Variants in TTLL5 observed in about 807,000 individuals in gnomAD.
The protein encoded by TTLL5 is tubulin polyglutamylase TTLL5.
TTLL5 carries 132 observed loss-of-function variants against 168.4 expected under a neutral mutation model. The ratio of observed to expected loss-of-function variants is 0.78; its 90% confidence interval spans 0.68 to 0.91. TTLL5 has a LOEUF of 0.91. TTLL5 is among the 40% of genes least tolerant of loss of function. The pLI is 0.00. For synonymous variants in TTLL5, 546 were observed against 558.6 expected, an observed-to-expected ratio of 0.98 and a Z score of 0.32; for missense variants, 1,545 against 1,581.5, an observed-to-expected ratio of 0.98 and a Z score of 0.39.
At chr14:75,732,514 TG>T in intron 13 of TTLL5, 95 bp downstream of exon 13, 1 of 1,085,040 alleles carries the variant, frequency 9.2e-7, no homozygotes, top group Non-Finnish European at 1.4e-6. Flanking sequence ...ACTAGAAGAC[TG>T]TTTTTTTCCT....
intron 29 of TTLL5, among the ~76,000 whole-genome samples, chr14:75,877,324 A>G (rs1325277057): frequency 6.6e-6 from 1 of 152,218 alleles, no homozygotes; most frequent in Non-Finnish European, 1.5e-5. Flanking sequence ...AAACAGTATT[A>G]TCTTTCTAGT....
At chr14:75,914,017 G>GAAAAAAAA (rs1201862659) in intron 31 of TTLL5, among the ~76,000 whole-genome samples, 7,085 of 29,718 alleles carry the variant, frequency 0.24, 898 homozygotes, top group Non-Finnish European at 0.29. Context: ...TGTTTAAAAG[G>GAAAAAAAA]AAAAAAAAAA....
chr14:75,758,900 T>C (rs1566591061), intron 18 of TTLL5, among the ~76,000 whole-genome samples: 1 of 152,154 alleles, frequency 6.6e-6, no homozygotes, highest in Non-Finnish European at 1.5e-5. Context: ...TGGGGGAAAT[T>C]ATAAGTTTAA....
intron 28 of TTLL5, among the ~76,000 whole-genome samples, chr14:75,849,420 C>T (rs1186836507): frequency 6.6e-6 from 1 of 152,154 alleles, no homozygotes; most frequent in African/African-American, 2.4e-5. Context: ...GTTTCTGGTG[C>T]TTGTGATAGT....
At chr14:75,928,040 A>G (rs970491037) in intron 31 of TTLL5, among the ~76,000 whole-genome samples, 33 of 151,976 alleles carry the variant, frequency 2.2e-4, no homozygotes, top group Non-Finnish European at 2.9e-5. Flanking sequence ...AGATACCTCA[A>G]GTGACCCAGC....
chr14:75,688,874 G>A (rs989971285), intron 5 of TTLL5, among the ~76,000 whole-genome samples: 6 of 152,204 alleles, frequency 3.9e-5, no homozygotes, highest in Admixed American at 1.3e-4. Context: ...GTTTTCCTCA[G>A]AATAACCATT....
intron 30 of TTLL5, among the ~76,000 whole-genome samples, chr14:75,898,925 G>A (rs2032796794): frequency 6.6e-6 from 1 of 152,152 alleles, no homozygotes; most frequent in Non-Finnish European, 1.5e-5. Flanking sequence ...TAACTTCCAG[G>A]TTCAGAATGC....
chr14:75,884,987 G>A (rs927398638), intron 30 of TTLL5, among the ~76,000 whole-genome samples: 4 of 150,954 alleles, frequency 2.6e-5, no homozygotes, highest in Non-Finnish European at 1.5e-5. Flanking sequence ...TGGCCAACAT[G>A]GTGAAACCCT....
intron 31 of TTLL5, among the ~76,000 whole-genome samples, chr14:75,935,608 A>T (rs1376218412): frequency 6.6e-6 from 1 of 152,244 alleles, no homozygotes; most frequent in Non-Finnish European, 1.5e-5. Context: ...TCTATGGATT[A>T]CCTAAAGAGT....
intron 15 of TTLL5, among the ~76,000 whole-genome samples, chr14:75,737,781 TAA>T (rs1010556234): frequency 9.2e-5 from 14 of 152,206 alleles, no homozygotes; most frequent in Non-Finnish European, 2.1e-4. Context: ...TTATAGGATA[TAA>T]GAGTAGAGGA....
chr14:75,769,682 T>A (rs1891165222), intron 20 of TTLL5, among the ~76,000 whole-genome samples: 1 of 152,188 alleles, frequency 6.6e-6, no homozygotes. Flanking sequence ...TCTGCTACAT[T>A]TGAAGGTGTC....
intron 31 of TTLL5, among the ~76,000 whole-genome samples, chr14:75,953,665 G>A (rs10138941): frequency 0.011 from 1,661 of 152,154 alleles, 33 homozygotes; most frequent in African/African-American, 0.039. Context: ...GTATATTGTT[G>A]GGATTGAGGG....
At chr14:75,863,897 C>T in intron 29 of TTLL5, 35 bp downstream of exon 29, 2 of 290,634 alleles carry the variant, frequency 6.9e-6, no homozygotes, top group Non-Finnish European at 1.2e-5. Flanking sequence ...TGTGTTATAT[C>T]TTCCTGCTGT....
rs894469465 is a variant in TTLL5, at chr14:75,687,437, A to AT, written c.372-2747dup. On this transcript the variant is annotated intron_variant, in intron 5 of 31. Coordinates refer to ENST00000298832, the MANE Select transcript of TTLL5 (RefSeq NM_015072.5). ...TACAGGCATGCACTACGGCTGGCTG[A>AT]TTTTTTTTGTAGTTTTAGTAGAGAC... Among the ~76,000 whole-genome samples, 32 of 151,634 alleles carry AT rather than the reference A, an allele frequency of 2.1e-4. 2 individuals carry two copies. The highest frequency in any genetic ancestry group is 1.8e-3 in the Admixed American group (27 of 15,194).
intron 6 of TTLL5, among the ~76,000 whole-genome samples, chr14:75,696,677 G>GA (rs1240099128): frequency 6.6e-6 from 1 of 152,250 alleles, no homozygotes; most frequent in Admixed American, 6.5e-5. Context: ...AGTCATCAGT[G>GA]AAAAGACTCT....
intron 5 of TTLL5, among the ~76,000 whole-genome samples, chr14:75,688,908 CAT>C (rs1472876660): frequency 1.3e-5 from 2 of 152,174 alleles, no homozygotes; most frequent in Non-Finnish European, 2.9e-5. Flanking sequence ...TAAAGTTTAA[CAT>C]ATGTGGTGAT....
In TTLL5 at chr14:75,690,409, A is replaced by G. The variant is rs943264307; in HGVS notation, c.502+87A>G. 18 of 1,477,990 alleles carry G rather than the reference A, an allele frequency of 1.2e-5. No homozygotes were observed. The Admixed American group carries it at 3.9e-4, about 32-fold the overall frequency. 91.6% of individuals were successfully genotyped at this position (1,477,990 alleles called of 1,614,324 possible). A position where few individuals can be genotyped will look rare whatever the true frequency, so the allele number is the denominator to read the frequency against. ...AAAAGCCTCCTCAAGGTGTCAACCA[A>G]TCAGGGCTTTCCAAATCCTTAGACA... On this transcript the variant is annotated intron_variant, in intron 6 of 31. Transcript: ENST00000298832.
chr14:75,679,165 G>A (rs1157323695), intron 3 of TTLL5, among the ~76,000 whole-genome samples: 1 of 152,218 alleles, frequency 6.6e-6, no homozygotes, highest in Non-Finnish European at 1.5e-5. Flanking sequence ...TGGAATTAAA[G>A]TTGCTAATCA....
Position 75,766,223 on chromosome 14 carries a change from G to T in TTLL5, c.1870G>T (p.Ala624Ser). ...AGCCAAATATACACCCTCATTGACA[G>T]CTTTGGTAGAAAATACACCCAAAGA... ...NQAKYTPSLTALVENTPKENS... is the reference protein window; with the variant it reads ...NQAKYTPSLTSLVENTPKENS... Residue 624 changes from alanine to serine, a missense_variant, in exon 20 of 32, where the codon GCT becomes TCT. Coordinates refer to ENST00000298832, the MANE Select transcript of TTLL5 (RefSeq NM_015072.5). The T allele has an allele frequency of 6.2e-7, 1 of 1,614,000 alleles. No individual in the cohort carries two copies.
Sources: gnomAD v4.1 joint callset for allele counts (sites outside exome capture counted in the v4.1 genomes callset) on GRCh38, gnomAD v4.1.1 for gene constraint, MANE v1.5 for transcripts, NCBI Gene and HGNC (gene_info 2026-07-23, HGNC 2026-07-21) for gene names.